The following FAF1 variants were observed in gnomAD, a reference collection of about 807,000 sequenced individuals.
FAF1 encodes Fas associated factor 1.
FAF1 carries 25 observed loss-of-function variants against 92.5 expected under a neutral mutation model. The ratio of observed to expected loss-of-function variants is 0.27; its 90% CI spans 0.20 to 0.38. FAF1 has a LOEUF of 0.38. Ranked by LOEUF, FAF1 falls within the 10% of genes least tolerant of loss-of-function variation. The pLI is 1.00. For missense variants in FAF1, 636 were observed against 793.3 expected, an observed-to-expected ratio of 0.80 and a Z score of 2.38; for synonymous variants, 234 against 273.2, an observed-to-expected ratio of 0.86 and a Z score of 1.42.
At chr1:50,918,246 G>T in intron 1 of FAF1, among the ~76,000 whole-genome samples, 1 of 134,056 alleles carries the variant, frequency 7.5e-6, no homozygotes, top group Non-Finnish European at 1.6e-5. Context: ...CATTGTGCAG[G>T]TTAGTTACAT....
At chr1:50,653,914 G>A (rs932904832) in intron 8 of FAF1, among the ~76,000 whole-genome samples, 1 of 151,948 alleles carries the variant, frequency 6.6e-6, no homozygotes, top group African/African-American at 2.4e-5. Flanking sequence ...GTAATCCACC[G>A]GCTTCGGCCT....
intron 4 of FAF1, among the ~76,000 whole-genome samples, chr1:50,775,760 A>G (rs1474785768): frequency 2.0e-5 from 3 of 152,020 alleles, no homozygotes; most frequent in East Asian, 1.9e-4. Context: ...AGGGGGACGA[A>G]AAAAAAAGGA....
chr1:50,799,485 A>T (rs1661891947), intron 3 of FAF1, among the ~76,000 whole-genome samples: 1 of 152,048 alleles, frequency 6.6e-6, no homozygotes, highest in Non-Finnish European at 1.5e-5. Context: ...TATAAGGCAC[A>T]CACTGGCTCT....
At chr1:50,602,503 CTTTTT>C (rs1424715054) in intron 8 of FAF1, among the ~76,000 whole-genome samples, 3 of 136,700 alleles carry the variant, frequency 2.2e-5, no homozygotes, top group African/African-American at 2.7e-5. Context: ...TAAAGTATTG[CTTTTT>C]TTTTTTTTTT....
At position 50,744,621 on chromosome 1, in the gene FAF1, C is replaced by T. The variant is rs913308925; in HGVS notation, c.459+63G>A. On this transcript the variant is annotated intron_variant, in intron 5 of 18. Transcript: ENST00000396153. ...CAACATTAATTAAAACCAATTTTTA[C>T]ATATCATTTAATCAATGGCATAACT... The T allele has an allele frequency of 1.3e-5, 14 of 1,108,106 alleles. No individual in the cohort carries two copies. The African/African-American group carries it at 1.9e-4, about 15-fold the overall frequency. The allele number at this position is 1,108,106 out of a possible 1,614,324, so 68.6% of individuals were successfully genotyped here.
At chr1:50,520,335 A>T (rs1647432807) in intron 15 of FAF1, among the ~76,000 whole-genome samples, 1 of 152,232 alleles carries the variant, frequency 6.6e-6, no homozygotes, top group South Asian at 2.1e-4. Context: ...AGTAATTTGG[A>T]GAGGTAAAAG....
chr1:50,780,313 G>C (rs974496273), intron 4 of FAF1: 2 of 153,170 alleles, frequency 1.3e-5, no homozygotes, highest in African/African-American at 4.8e-5. Context: ...GTGGAAGCAG[G>C]TGTGAGAGGG....
chr1:50,796,086 C>T (rs1557531627), intron 3 of FAF1, among the ~76,000 whole-genome samples: 1 of 151,752 alleles, frequency 6.6e-6, no homozygotes, highest in Non-Finnish European at 1.5e-5. Flanking sequence ...AAAAAAAAAC[C>T]CTGACCATTT....
intron 7 of FAF1, among the ~76,000 whole-genome samples, chr1:50,686,920 C>T (rs1028908241): frequency 6.6e-6 from 1 of 152,052 alleles, no homozygotes; most frequent in African/African-American, 2.4e-5. Flanking sequence ...CCTCTGCCTC[C>T]CGGGTTCAAG....
At chr1:50,649,247 G>A (rs901052714) in intron 8 of FAF1, among the ~76,000 whole-genome samples, 2 of 151,956 alleles carry the variant, frequency 1.3e-5, no homozygotes, top group African/African-American at 2.4e-5. Context: ...CCGCCTTCCG[G>A]GTTCAAGCAA....
chr1:50,507,255 G>A (rs1014577738), intron 15 of FAF1, among the ~76,000 whole-genome samples: 2 of 152,174 alleles, frequency 1.3e-5, no homozygotes, highest in African/African-American at 4.8e-5. Flanking sequence ...TAGACACAGT[G>A]ATGTCAAAAA....
In FAF1 at chr1:50,853,768, T is replaced by C. The variant is rs367708046; in HGVS notation, c.114+4161A>G. Reference sequence around the variant, plus strand: ...ATCTAGAGACCGTGTGTAAAATAAGTGGCAGAGCATCTTCTCCTGCCATCA... The same window carrying C: ...ATCTAGAGACCGTGTGTAAAATAAGCGGCAGAGCATCTTCTCCTGCCATCA... On this transcript the variant is annotated intron_variant, in intron 2 of 18. Coordinates refer to ENST00000396153, the MANE Select transcript of FAF1 (RefSeq NM_007051.3). Among the ~76,000 whole-genome samples, 30 of 152,146 alleles carry C rather than the reference T, an allele frequency of 2.0e-4. No individual in the cohort carries two copies. In the South Asian group the frequency reaches 4.6e-3, roughly 23 times the overall value.
chr1:50,736,913 A>C (rs1183020799), intron 6 of FAF1, among the ~76,000 whole-genome samples: 1 of 152,214 alleles, frequency 6.6e-6, no homozygotes, highest in Non-Finnish European at 1.5e-5. Flanking sequence ...ATCAGCTTTC[A>C]ATATATATGC....
chr1:50,467,367 G>A (rs1646510242), intron 18 of FAF1, among the ~76,000 whole-genome samples: 2 of 152,134 alleles, frequency 1.3e-5, no homozygotes, highest in Non-Finnish European at 2.9e-5. Flanking sequence ...AGGCTGGAGT[G>A]CAGTGGCGCA....
intron 15 of FAF1, among the ~76,000 whole-genome samples, chr1:50,509,359 C>T (rs1369258231): frequency 6.6e-6 from 1 of 152,096 alleles, no homozygotes; most frequent in Non-Finnish European, 1.5e-5. Flanking sequence ...TGTCTGTAAT[C>T]CCAGCACTTT....
intron 16 of FAF1, 147 bp downstream of exon 16, chr1:50,491,574 C>A: frequency 1.8e-6 from 1 of 563,594 alleles, no homozygotes; most frequent in Non-Finnish European, 3.2e-6. Flanking sequence ...CTTTAATAAC[C>A]ATGGATAGGA....
At chr1:50,831,123 G>T (rs1045888163) in intron 2 of FAF1, among the ~76,000 whole-genome samples, 1 of 151,826 alleles carries the variant, frequency 6.6e-6, no homozygotes, top group Non-Finnish European at 1.5e-5. Context: ...TGAGTCAGTA[G>T]ACAAAGCAGG....
chr1:50,490,777 C>CA (rs1646830138), intron 16 of FAF1, 112 bp from the exon 17 acceptor site: 2 of 741,610 alleles, frequency 2.7e-6, no homozygotes, highest in Admixed American at 4.2e-5. Context: ...ATGTGACATT[C>CA]AAAGGCTCAT....
At chr1:50,702,443 G>A (rs1180446555) in intron 7 of FAF1, among the ~76,000 whole-genome samples, 1 of 152,086 alleles carries the variant, frequency 6.6e-6, no homozygotes, top group African/African-American at 2.4e-5. Flanking sequence ...AGGTTGAAAA[G>A]ACAGACTATC....
Sources: allele counts gnomAD v4.1 joint callset (sites outside exome capture counted in the v4.1 genomes callset), GRCh38; gene constraint gnomAD v4.1.1; transcripts MANE v1.5; gene names NCBI Gene and HGNC (gene_info 2026-07-23, HGNC 2026-07-21).